The following MYO3B variants were observed in gnomAD, a reference collection of about 807,000 sequenced individuals.
MYO3B encodes the protein myosin-IIIb.
MYO3B carries 156 observed loss-of-function variants against 174.6 expected under a neutral mutation model. That is an observed-to-expected ratio of 0.89 (90% CI 0.78 to 1.02). The LOEUF (loss-of-function observed/expected upper bound fraction) is 1.02. Among genes scored for constraint, MYO3B ranks in the 50% least tolerant of loss-of-function variants. The pLI, the probability that MYO3B is intolerant of heterozygous loss-of-function variation, is 0.00. For missense variants in MYO3B, 1,632 were observed against 1,639.4 expected (o/e 1.00, Z 0.08); for synonymous variants, 563 against 569.1 (o/e 0.99, Z 0.15).
At chr2:170,435,364 T>A (rs6433201) in intron 22 of MYO3B, among the ~76,000 whole-genome samples, 4 of 152,216 alleles carry the variant, frequency 2.6e-5, no homozygotes, top group South Asian at 2.1e-4. Flanking sequence ...GAATCATAGG[T>A]AATGAACTGT....
intron 7 of MYO3B, among the ~76,000 whole-genome samples, chr2:170,326,584 C>T (rs1348706307): frequency 6.6e-6 from 1 of 152,200 alleles, no homozygotes; most frequent in Non-Finnish European, 1.5e-5. Flanking sequence ...TTGTCCCCTC[C>T]ATCATCTCTA....
intron 7 of MYO3B, among the ~76,000 whole-genome samples, chr2:170,308,774 C>T (rs2093717949): frequency 6.6e-6 from 1 of 152,076 alleles, no homozygotes; most frequent in South Asian, 2.1e-4. Flanking sequence ...TGCCCCTTTC[C>T]TCCCCAGCCT....
rs1215441287 is a variant in MYO3B at position 170,443,971 on chromosome 2, T to C, written c.2655T>C (p.Asn885=). The change falls in exon 23 of 35, where the codon AAT becomes AAC. Residue 885 remains asparagine, a synonymous_variant. Coordinates refer to ENST00000408978, the MANE Select transcript of MYO3B (RefSeq NM_138995.5). ...TCTTTGTGGTCTCTTTCTCAGGTAATTTGGCCCAGACAAGAGCTAGGATAA... is the reference window on the plus strand; with the variant it reads ...TCTTTGTGGTCTCTTTCTCAGGTAACTTGGCCCAGACAAGAGCTAGGATAA... ...LFSIPLTKTG[N]LAQTRARITV... is the part of the protein sequence containing the mutation. 11 of 1,609,382 alleles carry C rather than the reference T, an allele frequency of 6.8e-6. No individual in the cohort carries two copies. The highest frequency in any genetic ancestry group is 1.7e-5 in the Admixed American group (1 of 60,000).
intron 19 of MYO3B, 106 bp downstream of exon 19, chr2:170,403,101 G>T: frequency 8.9e-7 from 1 of 1,117,562 alleles, no homozygotes; most frequent in East Asian, 2.5e-5. Flanking sequence ...AAAGACCCTA[G>T]AGAGAAAATA....
intron 32 of MYO3B, among the ~76,000 whole-genome samples, chr2:170,606,070 G>T (rs998525026): frequency 2.0e-5 from 3 of 152,034 alleles, no homozygotes; most frequent in Admixed American, 2.0e-4. Context: ...ACCTGTAGTA[G>T]CCTCCTCACT....
chr2:170,279,006 TA>T (rs1311021583), intron 7 of MYO3B, among the ~76,000 whole-genome samples: 1 of 152,186 alleles, frequency 6.6e-6, no homozygotes, highest in African/African-American at 2.4e-5. Flanking sequence ...TTCCATTGGG[TA>T]AATATATCAC....
chr2:170,382,276 T>C (rs2094341425), intron 10 of MYO3B, 164 bp downstream of exon 10: 1 of 540,226 alleles, frequency 1.9e-6, no homozygotes, highest in African/African-American at 1.9e-5. Flanking sequence ...GTGACTATGA[T>C]CCTGTGCTGT....
intron 7 of MYO3B, among the ~76,000 whole-genome samples, chr2:170,273,873 G>A (rs926870440): frequency 2.6e-5 from 4 of 152,154 alleles, no homozygotes; most frequent in Non-Finnish European, 5.9e-5. Context: ...CTATTAATGA[G>A]AGGCCTGGAG....
chr2:170,526,191 G>C (rs1416811178), intron 30 of MYO3B, among the ~76,000 whole-genome samples: 2 of 152,252 alleles, frequency 1.3e-5, no homozygotes, highest in East Asian at 1.9e-4. Context: ...TCCTCTCTCT[G>C]AACCTCAGTA....
chr2:170,483,880 G>A (rs1423979868), intron 25 of MYO3B, among the ~76,000 whole-genome samples: 3 of 152,080 alleles, frequency 2.0e-5, no homozygotes, highest in African/African-American at 4.8e-5. Context: ...TCACAGCCTC[G>A]ATGTGGCCTT....
intron 22 of MYO3B, among the ~76,000 whole-genome samples, chr2:170,409,173 C>T (rs2094529860): frequency 6.6e-6 from 1 of 152,198 alleles, no homozygotes; most frequent in South Asian, 2.1e-4. Context: ...TTCACAACTT[C>T]GGAATTTCCG....
Position 170,439,124 on chromosome 2 carries a change from G to A in MYO3B, c.2651-4843G>A, listed in dbSNP as rs190381900. Among the ~76,000 whole-genome samples the A allele has an allele frequency of 5.9e-3, 871 of 147,860 alleles. 3 individuals carry two copies. Among genetic ancestry groups the A allele is most frequent in the Non-Finnish European group, 9.6e-3 (648 of 67,232 alleles). The stretch of plus-strand genomic sequence containing the variant: ...ATGATGGCTCACACCTGTAATCCCA[G>A]CACTTTGGGAGGCTGAGGCAGGCGG... On this transcript the variant is annotated intron_variant, in intron 22 of 34. Coordinates refer to ENST00000408978, the MANE Select transcript of MYO3B (RefSeq NM_138995.5).
intron 32 of MYO3B, among the ~76,000 whole-genome samples, chr2:170,544,911 G>A (rs1690379435): frequency 6.6e-6 from 1 of 152,220 alleles, no homozygotes; most frequent in East Asian, 1.9e-4. Context: ...GGGGGTAAAA[G>A]TAGTACAAAA....
intron 8 of MYO3B, among the ~76,000 whole-genome samples, chr2:170,360,730 G>A (rs2094154420): frequency 6.6e-6 from 1 of 152,176 alleles, no homozygotes; most frequent in Non-Finnish European, 1.5e-5. Context: ...ATGGGATTAA[G>A]GATTAAGTAC....
intron 8 of MYO3B, among the ~76,000 whole-genome samples, chr2:170,335,669 A>T (rs898889402): frequency 2.0e-5 from 3 of 152,248 alleles, no homozygotes; most frequent in Admixed American, 2.0e-4. Context: ...CCTTCTTATC[A>T]TATGGGTCAC....
chr2:170,517,880 G>T (rs556214276), intron 29 of MYO3B, among the ~76,000 whole-genome samples: 1 of 151,584 alleles, frequency 6.6e-6, no homozygotes, highest in South Asian at 2.1e-4. Context: ...AGGCAGTGGG[G>T]GAAGGGAAGG....
intron 30 of MYO3B, among the ~76,000 whole-genome samples, chr2:170,542,104 T>G (rs1206791830): frequency 6.6e-6 from 1 of 152,172 alleles, no homozygotes; most frequent in Non-Finnish European, 1.5e-5. Context: ...ACATGTTTGT[T>G]GTGTCATGTG....
intron 6 of MYO3B, among the ~76,000 whole-genome samples, chr2:170,230,365 T>TTTTTTTTTTTTTTTTTTTGGA (rs1559318980): frequency 7.1e-6 from 1 of 140,766 alleles, no homozygotes; most frequent in African/African-American, 2.9e-5. Flanking sequence ...TTTTTTTTAG[T>TTTTTTTTTTTTTTTTTTTGGA]AGAGACGGGG....
chr2:170,301,993 T>C (rs1464991987), intron 7 of MYO3B, among the ~76,000 whole-genome samples: 1 of 148,566 alleles, frequency 6.7e-6, no homozygotes, highest in Admixed American at 6.9e-5. Context: ...TCTAAATAGG[T>C]AGGTGTTTGT....
Sources: gnomAD v4.1 joint callset for allele counts (sites outside exome capture counted in the v4.1 genomes callset) on GRCh38, gnomAD v4.1.1 for gene constraint, MANE v1.5 for transcripts, NCBI Gene and HGNC (gene_info 2026-07-23, HGNC 2026-07-21) for gene names.